The following LRRC41 variants were observed in gnomAD, a reference collection of about 807,000 sequenced individuals.
LRRC41 encodes leucine-rich repeat-containing protein 41.
LRRC41 carries 17 observed loss-of-function variants against 72.1 expected under a neutral mutation model. The ratio of observed to expected loss-of-function variants is 0.24; its 90% confidence interval spans 0.16 to 0.35. The LOEUF (loss-of-function observed/expected upper bound fraction) is 0.35, where lower values mean the gene tolerates loss of function less well. Ranked by LOEUF, LRRC41 falls within the 10% of genes least tolerant of loss-of-function variation. The probability of loss-of-function intolerance (pLI) is 1.00; values close to 1 mark genes in which losing one functional copy is unlikely to be tolerated. For missense variants in LRRC41, 759 were observed against 1,065.0 expected (o/e 0.71, Z 4.00); for synonymous variants, 427 against 431.0 (o/e 0.99, Z 0.11).
chr1:46,301,123 T>C (rs1661213544), intron 1 of LRRC41, among the ~76,000 whole-genome samples: 1 of 152,092 alleles, frequency 6.6e-6, no homozygotes, highest in Non-Finnish European at 1.5e-5. Flanking sequence ...CCCTCCAACC[T>C]GCTCCCCTCT....
rs767901196 is a variant in LRRC41, at chr1:46,277,943, A to T, written c.*922T>A. On this transcript the variant is annotated 3_prime_UTR_variant, in exon 10 of 10. Transcript: ENST00000617190. ...TCTGGGCGAGTTGAAGGAGCTGTTTATCCTGGATGAAGCTAGCCTCAGTGA... is the reference window on the plus strand; with the variant it reads ...TCTGGGCGAGTTGAAGGAGCTGTTTTTCCTGGATGAAGCTAGCCTCAGTGA... 1 of 1,614,140 alleles carries T rather than the reference A, an allele frequency of 6.2e-7. No homozygotes were observed. Among genetic ancestry groups the T allele is most frequent in the East Asian group, 2.2e-5 (1 of 44,880 alleles).
intron 3 of LRRC41, among the ~76,000 whole-genome samples, chr1:46,290,150 G>A (rs961964421): frequency 1.3e-5 from 2 of 152,236 alleles, no homozygotes; most frequent in Non-Finnish European, 2.9e-5. Context: ...ACTCATGCAT[G>A]TAATCGCAGT....
At position 46,303,364 on chromosome 1, in the gene LRRC41, G is replaced by A; in HGVS notation, c.-42C>T. 6.9e-7 allele frequency: 1 copy of A among 1,458,618 alleles called. No homozygotes were observed. The highest frequency in any genetic ancestry group is 9.0e-7 in the Non-Finnish European group (1 of 1,105,500). The allele number at this position is 1,458,618 out of a possible 1,614,324, so 90.4% of individuals were successfully genotyped here. ...AGCCCGAGAGTGTCGCCCGCGGACC[G>A]CCATCTTGAAAAGGTCAGCAGTTAG... is the stretch of plus-strand genomic sequence containing the variant. On this transcript the variant is annotated 5_prime_UTR_variant, in exon 1 of 10. Transcript: ENST00000617190.
Position 46,278,123 on chromosome 1 carries a change from T to A in LRRC41, c.*742A>T, listed in dbSNP as rs1306812144. On this transcript the variant is annotated 3_prime_UTR_variant, in exon 10 of 10. Transcript: ENST00000617190. ...GCCGTCAGATCCGGCCACCCCCTGA[T>A]GGTTCTGACTGCACTTCAGACCTGG... 1 of 1,613,982 alleles carries A rather than the reference T, an allele frequency of 6.2e-7. No individual in the cohort carries two copies.
At position 46,285,766 on chromosome 1, in the gene LRRC41, G is replaced by A. The variant is rs778324789; in HGVS notation, c.1091C>T (p.Thr364Ile). 7.5e-6 allele frequency: 12 copies of A among 1,598,214 alleles called. No homozygotes were observed. The highest frequency in any genetic ancestry group is 2.2e-5 in the South Asian group (2 of 89,308). The stretch of plus-strand genomic sequence containing the variant: ...GGATGTAGAAGAAGAGGCAGAGGAG[G>A]TGGCTGCTGGAGCAGAAGGTGACCG... ...TKRSPSAPAA[T>I]SSASSSTSSY... Residue 364 changes from threonine to isoleucine, a missense_variant, in exon 4 of 10, where the codon ACC (threonine) becomes ATC (isoleucine). Physicochemically the swap from Thr to Ile is moderately conservative, Grantham distance 89. Coordinates refer to ENST00000617190, the MANE Select transcript of LRRC41 (RefSeq NM_006369.5). This position sits in a 1 kb window ranked among gnomAD's most constrained non-coding sequence, Gnocchi z 5.3.
intron 2 of LRRC41, among the ~76,000 whole-genome samples, chr1:46,297,845 TCTC>T (rs1661154640): frequency 2.0e-5 from 3 of 152,322 alleles, no homozygotes; most frequent in African/African-American, 4.8e-5. Flanking sequence ...TGTGGTTCAG[TCTC>T]CTCATCTGTA....
chr1:46,296,343 G>A (rs1309039695), intron 3 of LRRC41, among the ~76,000 whole-genome samples: 1 of 152,184 alleles, frequency 6.6e-6, no homozygotes, highest in Non-Finnish European at 1.5e-5. Flanking sequence ...CTTGAACCCG[G>A]GAGGCAGAGG....
Position 46,281,305 on chromosome 1 carries a change from G to T in LRRC41, c.1576C>A (p.His526Asn). The T allele has an allele frequency of 6.2e-7, 1 of 1,614,236 alleles. No homozygotes were observed. Among genetic ancestry groups the T allele is most frequent in the East Asian group, 2.2e-5 (1 of 44,886 alleles). Residue 526 changes from histidine (H) to asparagine (N), a missense_variant, in exon 5 of 10, where the codon CAT (histidine) becomes AAT (asparagine). This residue lies in a region of LRRC41 where 427 missense variants were observed against 520.9 expected (regional missense o/e 0.82). Transcript: ENST00000617190. ...GQAGCRLRAL[H>N]LSDLFSPLPI... ...AGTGGTGAGAACAGGTCACTGAGAT[G>T]CAGGGCACGGAGGCGACATCCAGCC...
rs1405464081 is a variant in LRRC41, at chr1:46,301,916, C to T, written c.199+1208G>A. 7 of 978,866 alleles carry T rather than the reference C, an allele frequency of 7.2e-6. No individual in the cohort carries two copies. The African/African-American group carries it at 1.2e-4, about 17-fold the overall frequency. The allele number at this position is 978,866 out of a possible 1,614,324, so 60.6% of individuals were successfully genotyped here. A position where few individuals can be genotyped will look rare whatever the true frequency, so the allele number is the denominator to read the frequency against. On this transcript the variant is annotated intron_variant, in intron 1 of 9. Coordinates refer to ENST00000617190, the MANE Select transcript of LRRC41 (RefSeq NM_006369.5). Reference sequence around the variant, plus strand: ...CCCGACCCCACCCTCACAGAGCCAGCAGCCTCTCAGGCCCGAGGCCTCCCC... The same window carrying T: ...CCCGACCCCACCCTCACAGAGCCAGTAGCCTCTCAGGCCCGAGGCCTCCCC...
chr1:46,281,588 T>C (rs1660775750), intron 4 of LRRC41, among the ~76,000 whole-genome samples: 1 of 152,188 alleles, frequency 6.6e-6, no homozygotes, highest in Non-Finnish European at 1.5e-5. Context: ...CTGTTTTGGG[T>C]TATGCCCACA....
intron 2 of LRRC41, among the ~76,000 whole-genome samples, chr1:46,297,891 T>C (rs1012897411): frequency 1.3e-5 from 2 of 152,218 alleles, no homozygotes; most frequent in Non-Finnish European, 2.9e-5. Context: ...ATAGGGTTGT[T>C]GAAAGGATTA....
chr1:46,290,568 C>T (rs550282786), intron 3 of LRRC41, among the ~76,000 whole-genome samples: 1 of 151,704 alleles, frequency 6.6e-6, no homozygotes, highest in East Asian at 1.9e-4. Flanking sequence ...AAAATGTGTA[C>T]CATATGTAAT....
At chr1:46,290,428 G>C (rs1218283646) in intron 3 of LRRC41, among the ~76,000 whole-genome samples, 1 of 152,060 alleles carries the variant, frequency 6.6e-6, no homozygotes, top group Non-Finnish European at 1.5e-5. Flanking sequence ...ACTAACTCTG[G>C]AGTATTTACA....
In LRRC41 at chr1:46,303,282, A is replaced by T. The variant is rs1569674510; in HGVS notation, c.41T>A (p.Phe14Tyr). Residue 14 changes from phenylalanine to tyrosine, a missense_variant, in exon 1 of 10, where the codon TTC (phenylalanine) becomes TAC (tyrosine). This residue lies in a region of LRRC41 where 106 missense variants were observed against 66.1 expected (regional missense o/e 1.60). Transcript: ENST00000617190. ...GGTCGTTGCCGCCGCTACCTCACAG[A>T]ACCAGCAACTCCGGGCGCGCCAGGC... ...PEAWRARSCW[F>Y]CEVAAATTME... 2 of 1,543,328 alleles carry T rather than the reference A, an allele frequency of 1.3e-6. No individual in the cohort carries two copies. Among genetic ancestry groups the T allele is most frequent in the Non-Finnish European group, 1.7e-6 (2 of 1,145,212 alleles).
chr1:46,284,497 A>G (rs1408681983), intron 4 of LRRC41: 1 of 152,192 alleles, frequency 6.6e-6, no homozygotes, highest in East Asian at 1.9e-4. Flanking sequence ...AAGAAGGTAG[A>G]ATGCTTGTTT....
At position 46,278,118 on chromosome 1, in the gene LRRC41, C is replaced by T. The variant is rs140793609; in HGVS notation, c.*747G>A. ...CAACAGCCGTCAGATCCGGCCACCCCCTGATGGTTCTGACTGCACTTCAGA... is the reference window on the plus strand; with the variant it reads ...CAACAGCCGTCAGATCCGGCCACCCTCTGATGGTTCTGACTGCACTTCAGA... On this transcript the variant is annotated 3_prime_UTR_variant, in exon 10 of 10. Transcript: ENST00000617190. The T allele has an allele frequency of 6.0e-5, 97 of 1,613,984 alleles. No individual in the cohort carries two copies. Among genetic ancestry groups the T allele is most frequent in the Non-Finnish European group, 7.5e-5 (89 of 1,179,948 alleles).
intron 1 of LRRC41, chr1:46,298,641 G>A: frequency 3.1e-6 from 1 of 321,666 alleles, no homozygotes; most frequent in Middle Eastern, 8.9e-4. Flanking sequence ...GCTTATTTAG[G>A]AGCTGGTCAG....
Position 46,285,246 on chromosome 1 carries a change from C to T in LRRC41, c.1495+116G>A. ...CCTGCTATGAGGCATACAAGCCTTC[C>T]TCTCTAACCTCCTGATCATACCCCC... On this transcript the variant is annotated intron_variant, in intron 4 of 9. Coordinates refer to ENST00000617190, the MANE Select transcript of LRRC41 (RefSeq NM_006369.5). The surrounding 1 kb of genome is among the most constrained non-coding windows in gnomAD (Gnocchi z 5.3). 1.0e-6 allele frequency: 1 copy of T among 977,704 alleles called. No homozygotes were observed. Among genetic ancestry groups the T allele is most frequent in the Non-Finnish European group, 1.6e-6 (1 of 635,132 alleles). The allele number at this position is 977,704 out of a possible 1,614,324, so 60.6% of individuals were successfully genotyped here. A position where few individuals can be genotyped will look rare whatever the true frequency, so the allele number is the denominator to read the frequency against.
In LRRC41 at chr1:46,302,208, C is replaced by A. The variant is rs1661249153; in HGVS notation, c.199+916G>T. The A allele has an allele frequency of 1.0e-6, 1 of 985,328 alleles. No homozygotes were observed. Among genetic ancestry groups the A allele is most frequent in the South Asian group, 4.7e-5 (1 of 21,296 alleles). 61.0% of individuals were successfully genotyped at this position (985,328 alleles called of 1,614,324 possible). ...CCGTTCACTCCCATTCAGCCCAAGG[C>A]CTCTTGGCGGCGCCGCGCCCCCTGC... On this transcript the variant is annotated intron_variant, in intron 1 of 9. Transcript: ENST00000617190. The surrounding 1 kb of genome is among the most constrained non-coding windows in gnomAD (Gnocchi z 4.7).
Sources: allele counts gnomAD v4.1 joint callset (sites outside exome capture counted in the v4.1 genomes callset), GRCh38; gene constraint gnomAD v4.1.1; regional missense constraint gnomAD v4.1.1; non-coding constraint Gnocchi (gnomAD v3.1); transcripts MANE v1.5; gene names NCBI Gene and HGNC (gene_info 2026-07-23, HGNC 2026-07-21).